Variants in AFF1 observed in about 807,000 individuals in gnomAD.
AFF1 encodes AF4/FMR2 family member 1.
A neutral mutation model predicts 121.7 loss-of-function variants in AFF1; 48 were observed. The ratio of observed to expected loss-of-function variants is 0.39; its 90% CI spans 0.31 to 0.50. The LOEUF (loss-of-function observed/expected upper bound fraction) is 0.50, where lower values mean the gene tolerates loss of function less well. Among genes scored for constraint, AFF1 ranks in the 20% least tolerant of loss-of-function variants. The probability of loss-of-function intolerance (pLI) is 0.76; values close to 1 mark genes in which losing one functional copy is unlikely to be tolerated. For missense variants in AFF1, 1,523 were observed against 1,511.7 expected (o/e 1.01, Z -0.12); for synonymous variants, 613 against 563.0 (o/e 1.09, Z -1.26).
At chr4:87,073,586 G>T (rs1269770796) in intron 4 of AFF1, among the ~76,000 whole-genome samples, 3 of 152,144 alleles carry the variant, frequency 2.0e-5, no homozygotes, top group Admixed American at 6.5e-5. Flanking sequence ...TGAGATTACT[G>T]CTGGAATAAG....
rs3775227 is a variant in AFF1 at position 87,065,809 on chromosome 4, C to T, written c.1059+18215C>T. Among the ~76,000 whole-genome samples, 58 of 152,252 alleles carry T rather than the reference C, an allele frequency of 3.8e-4. No individual in the cohort carries two copies. In the Middle Eastern group the frequency reaches 0.01, roughly 27 times the overall value. On this transcript the variant is annotated intron_variant, in intron 4 of 20. Coordinates refer to ENST00000395146, the MANE Select transcript of AFF1 (RefSeq NM_001166693.3). ...AATTTTGCCCATTATTTTTCCCCCCCCTTTCTCTGTGCAACCTCTCTGCCC... is the reference window on the plus strand; with the variant it reads ...AATTTTGCCCATTATTTTTCCCCCCTCTTTCTCTGTGCAACCTCTCTGCCC...
intron 4 of AFF1, among the ~76,000 whole-genome samples, chr4:87,051,081 A>G (rs1423685585): frequency 1.3e-5 from 2 of 152,242 alleles, no homozygotes; most frequent in Non-Finnish European, 2.9e-5. Context: ...TGGGTATACC[A>G]AATCATATAC....
At chr4:86,963,043 G>T (rs1168934649) in intron 2 of AFF1, among the ~76,000 whole-genome samples, 1 of 151,664 alleles carries the variant, frequency 6.6e-6, no homozygotes, top group Non-Finnish European at 1.5e-5. Context: ...GCATGCACCT[G>T]TAATCCCAGC....
At position 87,137,582 on chromosome 4, in the gene AFF1, C is replaced by A. The variant is rs1050333774; in HGVS notation, c.*1881C>A. 1 of 230,916 alleles carries A rather than the reference C, an allele frequency of 4.3e-6. No homozygotes were observed. The highest frequency in any genetic ancestry group is 8.6e-6 in the Non-Finnish European group (1 of 116,744). 14.3% of individuals were successfully genotyped at this position (230,916 alleles called of 1,614,324 possible). A position where few individuals can be genotyped will look rare whatever the true frequency, so the allele number is the denominator to read the frequency against. ...GAGCATAAGACCTTGATGTGTGATT[C>A]CTGATGACCGGTTTCATTTATTCAT... On this transcript the variant is annotated 3_prime_UTR_variant, in exon 21 of 21. Transcript: ENST00000395146.
At chr4:86,974,476 TCTTAAAC>T (rs1418455940) in intron 2 of AFF1, among the ~76,000 whole-genome samples, 2 of 151,162 alleles carry the variant, frequency 1.3e-5, no homozygotes, top group African/African-American at 4.9e-5. Context: ...ATTTTATCCT[TCTTAAAC>T]TTTTTAGTTT....
chr4:87,082,734 C>G (rs1484576047), intron 4 of AFF1, among the ~76,000 whole-genome samples: 1 of 152,048 alleles, frequency 6.6e-6, no homozygotes, highest in Admixed American at 6.6e-5. Context: ...TGGCCTACAT[C>G]TGAATTTTGA....
At chr4:87,081,152 A>ATTT (rs549510832) in intron 4 of AFF1, among the ~76,000 whole-genome samples, 14,803 of 89,388 alleles carry the variant, frequency 0.17, 3,051 homozygotes, top group South Asian at 0.21. Context: ...AATGAAATGA[A>ATTT]TTTTTTTTTT....
intron 4 of AFF1, among the ~76,000 whole-genome samples, chr4:87,081,462 G>A (rs1002209225): frequency 4.6e-5 from 7 of 152,040 alleles, no homozygotes; most frequent in Admixed American, 2.0e-4. Context: ...GCGCCCGGCC[G>A]TATGAAATGA....
At chr4:87,076,951 CT>C in intron 4 of AFF1, among the ~76,000 whole-genome samples, 1 of 152,320 alleles carries the variant, frequency 6.6e-6, no homozygotes, top group Non-Finnish European at 1.5e-5. Context: ...TCAGCCAGGC[CT>C]TTTAGTCTCC....
intron 1 of AFF1, among the ~76,000 whole-genome samples, chr4:86,937,381 A>C (rs1229242030): frequency 6.6e-6 from 1 of 152,210 alleles, no homozygotes; most frequent in Non-Finnish European, 1.5e-5. Flanking sequence ...CAGAATCACT[A>C]ATCTACTATA....
At chr4:87,086,766 G>A (rs772171510) in intron 5 of AFF1, among the ~76,000 whole-genome samples, 4 of 152,160 alleles carry the variant, frequency 2.6e-5, no homozygotes, top group Admixed American at 1.3e-4. Flanking sequence ...CCCGGTTCCC[G>A]TTCTCATCTT....
At chr4:86,960,080 A>C (rs1316431398) in intron 2 of AFF1, among the ~76,000 whole-genome samples, 2 of 152,166 alleles carry the variant, frequency 1.3e-5, no homozygotes, top group Non-Finnish European at 2.9e-5. Context: ...CATTACTTGT[A>C]AACAAAGCTG....
chr4:87,125,388 A>C (rs1246239445), intron 13 of AFF1: 1 of 315,602 alleles, frequency 3.2e-6, no homozygotes, highest in Non-Finnish European at 5.7e-6. Flanking sequence ...TTCTTTAGAC[A>C]TCTGGATTTT....
intron 8 of AFF1, among the ~76,000 whole-genome samples, chr4:87,100,894 T>A (rs768601702): frequency 6.6e-6 from 1 of 152,234 alleles, no homozygotes; most frequent in Non-Finnish European, 1.5e-5. Flanking sequence ...TTTTTCTCAT[T>A]TCCTTATTTG....
At chr4:86,987,683 A>T (rs1402083954) in intron 2 of AFF1, among the ~76,000 whole-genome samples, 1 of 152,200 alleles carries the variant, frequency 6.6e-6, no homozygotes, top group African/African-American at 2.4e-5. Flanking sequence ...GGCCAGGCAC[A>T]GTGGTCATGC....
intron 4 of AFF1, among the ~76,000 whole-genome samples, chr4:87,081,151 A>AG (rs1560606159): frequency 1.7e-4 from 17 of 101,666 alleles, no homozygotes; most frequent in South Asian, 7.0e-4. Flanking sequence ...TAATGAAATG[A>AG]ATTTTTTTTT....
rs1169547851 is a variant in AFF1 at position 87,108,151 on chromosome 4, C to T, written c.1377-8C>T. 2.5e-6 allele frequency: 4 copies of T among 1,612,532 alleles called. No individual in the cohort carries two copies. The highest frequency in any genetic ancestry group is 2.2e-5 in the East Asian group (1 of 44,884). ...GCCTTCTAATTTTATCTTTTGGTTG[C>T]TTTGCAGTGCTCCACAGTCCCTTCC... On this transcript the variant is annotated splice_region_variant and splice_polypyrimidine_tract_variant and intron_variant, in intron 10 of 20. Transcript: ENST00000395146.
intron 4 of AFF1, among the ~76,000 whole-genome samples, chr4:87,054,679 G>A (rs1014781521): frequency 6.6e-6 from 1 of 152,218 alleles, no homozygotes; most frequent in African/African-American, 2.4e-5. Flanking sequence ...GCCTGGAGCA[G>A]ACGACTTCCA....
intron 2 of AFF1, among the ~76,000 whole-genome samples, chr4:87,000,802 C>G (rs1725648521): frequency 6.6e-6 from 1 of 151,844 alleles, no homozygotes; most frequent in African/African-American, 2.4e-5. Context: ...TAGACCAGAT[C>G]AGGTAAAGAA....
Sources: gnomAD v4.1 joint callset for allele counts (sites outside exome capture counted in the v4.1 genomes callset) on GRCh38, gnomAD v4.1.1 for gene constraint, MANE v1.5 for transcripts, NCBI Gene and HGNC (gene_info 2026-07-23, HGNC 2026-07-21) for gene names.